Variants in FYB1 observed in about 807,000 individuals in gnomAD.
FYB1 encodes FYN binding protein 1, also known as FYN-binding protein 1.
FYB1 carries 41 observed loss-of-function variants against 94.1 expected under a neutral mutation model. The observed-to-expected ratio is 0.44, with a 90% CI of 0.34 to 0.57. FYB1 has a LOEUF of 0.57. Among genes scored for constraint, FYB1 ranks in the 20% least tolerant of loss-of-function variants. FYB1 has a pLI of 0.02. For synonymous variants in FYB1, 367 were observed against 353.2 expected (o/e 1.04, Z -0.44); for missense variants, 1,050 against 976.8 (o/e 1.07, Z -1.00).
intron 1 of FYB1, chr5:39,211,149 T>C (rs1749334860): frequency 6.6e-6 from 1 of 152,198 alleles, no homozygotes; most frequent in Non-Finnish European, 1.5e-5. Flanking sequence ...ACTAACGAAC[T>C]TGTAGATAAT....
Position 39,202,695 on chromosome 5 carries a change from C to T in FYB1, c.266G>A (p.Gly89Asp), listed in dbSNP as rs780890517. The change falls in exon 2 of 19, where the codon GGC (glycine) becomes GAC (aspartate). Residue 89 changes from glycine to aspartate, a missense_variant. Gly to Asp is a moderately conservative substitution (Grantham distance 94, BLOSUM62 -1). Transcript: ENST00000512982. ...KPPFLKPTGA[G>D]QRFGTPASLT... ...GCTGGCTGGTGTTCCGAATCTTTGG[C>T]CTGCTCCAGTGGGCTTTAGAAACGG... 32 of 1,613,686 alleles carry T rather than the reference C, an allele frequency of 2.0e-5. No individual in the cohort carries two copies. In the South Asian group the frequency reaches 3.5e-4, roughly 18 times the overall value.
chr5:39,173,574 A>G (rs1197129141), intron 2 of FYB1, among the ~76,000 whole-genome samples: 4 of 152,144 alleles, frequency 2.6e-5, no homozygotes, highest in Non-Finnish European at 5.9e-5. Flanking sequence ...TTATAGTTTG[A>G]GATCTTATAT....
chr5:39,209,051 A>G (rs13356475), intron 1 of FYB1: 9,753 of 151,704 alleles, frequency 0.064, 399 homozygotes, highest in Admixed American at 0.11. Flanking sequence ...CAATGCGCAC[A>G]CACACACACA....
chr5:39,162,882 T>C (rs765038989), intron 2 of FYB1, among the ~76,000 whole-genome samples: 7 of 152,226 alleles, frequency 4.6e-5, no homozygotes, highest in Admixed American at 1.3e-4. Flanking sequence ...TTCTTTCATA[T>C]GTTTATAAGA....
At chr5:39,191,713 A>T (rs1747379006) in intron 2 of FYB1, among the ~76,000 whole-genome samples, 1 of 152,166 alleles carries the variant, frequency 6.6e-6, no homozygotes, top group African/African-American at 2.4e-5. Flanking sequence ...TCTGTCCCTT[A>T]TTCCTCAGAT....
chr5:39,127,704 A>G (rs1232703964), intron 11 of FYB1, 37 bp downstream of exon 11: 1 of 1,556,238 alleles, frequency 6.4e-7, no homozygotes, highest in Non-Finnish European at 8.7e-7. Context: ...ATGTATATAT[A>G]ATAATTTGCA....
rs180940931 is a variant in FYB1 at position 39,268,653 on chromosome 5, G to T, written c.-28+5750C>A. Among the ~76,000 whole-genome samples, 6 of 151,974 alleles carry T rather than the reference G, an allele frequency of 3.9e-5. No individual in the cohort carries two copies. In the East Asian group the frequency reaches 1.2e-3, roughly 30 times the overall value. On this transcript the variant is annotated intron_variant, in intron 1 of 1. Coordinates refer to the FYB1 transcript ENST00000510188. ...GCGATCTCGGCCCACTGCAACCTCC[G>T]TCTCCCAGGTTCAAGCGATTCTGCT...
intron 1 of FYB1, among the ~76,000 whole-genome samples, chr5:39,239,861 T>G (rs1400031790): frequency 6.6e-6 from 1 of 152,182 alleles, no homozygotes; most frequent in East Asian, 1.9e-4. Context: ...AAAGCAATCT[T>G]AAGCATAAAG....
intron 17 of FYB1, among the ~76,000 whole-genome samples, chr5:39,109,247 AG>A (rs994670777): frequency 3.3e-5 from 5 of 151,834 alleles, no homozygotes; most frequent in African/African-American, 9.7e-5. Context: ...AGATGGAGGG[AG>A]GGTTTGGCTA....
intron 1 of FYB1, among the ~76,000 whole-genome samples, chr5:39,245,264 A>G (rs1019318710): frequency 1.3e-5 from 2 of 152,192 alleles, no homozygotes; most frequent in African/African-American, 4.8e-5. Context: ...ATAGGGTCAA[A>G]ATACCTATAA....
At chr5:39,222,242 G>A (rs757149054), upstream of FYB1, among the ~76,000 whole-genome samples, 7 of 152,090 alleles carry the variant, frequency 4.6e-5, no homozygotes, top group Non-Finnish European at 8.8e-5. Flanking sequence ...TCTCTTAGTT[G>A]TTGGAGATAT....
At chr5:39,173,850 A>ATATAGT (rs1745474058) in intron 2 of FYB1, among the ~76,000 whole-genome samples, 1 of 152,144 alleles carries the variant, frequency 6.6e-6, no homozygotes, top group Non-Finnish European at 1.5e-5. Flanking sequence ...CTGTAACCTT[A>ATATAGT]TAGTATAGTC....
rs570761379 is a variant in FYB1, at chr5:39,245,116, T to C, written c.-28+29287A>G. ...GTCAAATGCTAGAATCCAGAATTAA[T>C]CATGAGTTATGTGTCTGTTGTACTG... On this transcript the variant is annotated intron_variant, in intron 1 of 1. Transcript: ENST00000510188. Among the ~76,000 whole-genome samples the C allele has an allele frequency of 5.7e-4, 80 of 139,408 alleles. 2 individuals carry two copies. The highest frequency in any genetic ancestry group is 2.6e-3 in the African/African-American group (79 of 30,106). 91.5% of individuals were successfully genotyped at this position (139,408 alleles called of 152,430 possible).
chr5:39,202,022 G>A lies in FYB1; in HGVS notation c.939C>T (p.Phe313=). ...ELASGTPPAR[F]PKAPSKLTVG... is the part of the protein sequence containing the mutation. ...CTGTCAGCTTAGAAGGGGCCTTAGG[G>A]AACCTGGCAGGAGGAGTCCCTGAGG... The change falls in exon 2 of 19, where the codon TTC becomes TTT. Residue 313 remains phenylalanine, a synonymous_variant. Transcript: ENST00000512982. 6.2e-7 allele frequency: 1 copy of A among 1,614,020 alleles called. No homozygotes were observed. The highest frequency in any genetic ancestry group is 8.5e-7 in the Non-Finnish European group (1 of 1,179,884).
At chr5:39,264,385 C>T (rs1448425069) in intron 1 of FYB1, among the ~76,000 whole-genome samples, 2 of 152,146 alleles carry the variant, frequency 1.3e-5, no homozygotes, top group Admixed American at 1.3e-4. Flanking sequence ...ACTTTGTAGC[C>T]CGCAAAACTG....
At chr5:39,172,912 A>C (rs1745383979) in intron 2 of FYB1, among the ~76,000 whole-genome samples, 1 of 152,204 alleles carries the variant, frequency 6.6e-6, no homozygotes, top group African/African-American at 2.4e-5. Flanking sequence ...ATGAACCTAC[A>C]AGTGCATGTG....
In FYB1 at chr5:39,257,990, A is replaced by G. The variant is rs576535100; in HGVS notation, c.-28+16413T>C. ...TGGGAGATCTCAAACTTGAGCGTGC[A>G]TCAGAATCACTGGGAAGGCTTTGTT... On this transcript the variant is annotated intron_variant, in intron 1 of 1. Coordinates refer to the FYB1 transcript ENST00000510188. 4.7e-4 allele frequency among the ~76,000 whole-genome samples: 72 copies of G among 152,284 alleles called. 1 individual carries two copies. Among genetic ancestry groups the G allele is most frequent in the African/African-American group, 1.6e-3 (68 of 41,550 alleles).
chr5:39,207,577 C>T (rs957716946), intron 1 of FYB1, among the ~76,000 whole-genome samples: 4 of 152,194 alleles, frequency 2.6e-5, no homozygotes, highest in African/African-American at 9.6e-5. Context: ...ACAGACATCC[C>T]ATCTTTTCTG....
At chr5:39,113,824 A>T (rs1016676390) in intron 16 of FYB1, among the ~76,000 whole-genome samples, 6 of 152,130 alleles carry the variant, frequency 3.9e-5, no homozygotes, top group Non-Finnish European at 8.8e-5. Flanking sequence ...AACAATGTCC[A>T]ATTTCAGTGG....
Sources: gnomAD v4.1 joint callset for allele counts (sites outside exome capture counted in the v4.1 genomes callset) on GRCh38, gnomAD v4.1.1 for gene constraint, MANE v1.5 for transcripts, NCBI Gene and HGNC (gene_info 2026-07-23, HGNC 2026-07-21) for gene names.